Variants in AFAP1L2 observed in about 807,000 individuals in gnomAD.
The protein encoded by AFAP1L2 is actin filament associated protein 1 like 2, also known as actin filament-associated protein 1-like 2.
Under a neutral mutation model 99.3 loss-of-function variants are expected in AFAP1L2, and 46 were observed. The ratio of observed to expected loss-of-function variants is 0.46; its 90% confidence interval spans 0.37 to 0.59. The LOEUF (loss-of-function observed/expected upper bound fraction) is 0.59, where lower values mean the gene tolerates loss of function less well. AFAP1L2 is among the 20% of genes least tolerant of loss of function. The probability of loss-of-function intolerance (pLI) is 0.00; values close to 1 mark genes in which losing one functional copy is unlikely to be tolerated. For synonymous variants in AFAP1L2, 397 were observed against 419.1 expected (o/e 0.95, Z 0.64); for missense variants, 959 against 1,034.9 (o/e 0.93, Z 1.01).
At chr10:114,395,355 T>C (rs369143560) in intron 1 of AFAP1L2, among the ~76,000 whole-genome samples, 12 of 152,240 alleles carry the variant, frequency 7.9e-5, no homozygotes, top group African/African-American at 2.9e-4. Flanking sequence ...ACCATGAAGA[T>C]GGCCCAAGCA....
intron 1 of AFAP1L2, among the ~76,000 whole-genome samples, chr10:114,381,834 C>A (rs747675508): frequency 6.6e-6 from 1 of 151,476 alleles, no homozygotes; most frequent in Non-Finnish European, 1.5e-5. Context: ...AACAATCCAA[C>A]AACAACAAAA....
At chr10:114,383,841 G>A (rs2056074810) in intron 1 of AFAP1L2, among the ~76,000 whole-genome samples, 4 of 152,196 alleles carry the variant, frequency 2.6e-5, no homozygotes, top group Non-Finnish European at 4.4e-5. Flanking sequence ...CTTGGTGGAA[G>A]TGGGGATTGC....
intron 1 of AFAP1L2, among the ~76,000 whole-genome samples, chr10:114,361,665 C>T (rs915806462): frequency 6.6e-6 from 1 of 152,138 alleles, no homozygotes; most frequent in East Asian, 1.9e-4. Context: ...ATAGTGGAGC[C>T]CTGTCCCAAG....
chr10:114,404,323 TG>T, intron 1 of AFAP1L2, 116 bp downstream of exon 1: 1 of 1,186,374 alleles, frequency 8.4e-7, no homozygotes, highest in Non-Finnish European at 1.2e-6. Context: ...CCGGGCTGGG[TG>T]GGGGCAGTGG....
intron 7 of AFAP1L2, among the ~76,000 whole-genome samples, chr10:114,312,378 G>A (rs1036061744): frequency 1.3e-5 from 2 of 152,136 alleles, no homozygotes; most frequent in Non-Finnish European, 2.9e-5. Context: ...ATACATGAAT[G>A]TGCATGTGTG....
chr10:114,289,632 C>A, the AFAP1L2 span: 1 of 884,070 alleles, frequency 1.1e-6, no homozygotes, highest in African/African-American at 1.7e-5. Flanking sequence ...TGCTAAACCC[C>A]ATGCTCACAT....
the AFAP1L2 span, chr10:114,289,040 C>G: frequency 6.2e-7 from 1 of 1,614,174 alleles, no homozygotes; most frequent in South Asian, 1.1e-5. Context: ...AGAAGCTGTG[C>G]CCTCCAGTTT....
chr10:114,304,799 C>T lies in AFAP1L2; in HGVS notation c.1204G>A (p.Glu402Lys), dbSNP rs369181901. Reference sequence around the variant, plus strand: ...TCGGGGCTGGGGTCTGGGACCACCTCGCAGCCCACCAGGCTGAGGGGTTGC... The same window carrying T: ...TCGGGGCTGGGGTCTGGGACCACCTTGCAGCCCACCAGGCTGAGGGGTTGC... ...AQQPLSLVGC[E>K]VVPDPSPDHL... is the part of the protein sequence containing the mutation. The change falls in exon 11 of 19, where the codon GAG becomes AAG. Residue 402 changes from glutamate (E) to lysine (K), a missense_variant. Transcript: ENST00000304129. The T allele has an allele frequency of 3.7e-6, 6 of 1,613,060 alleles. No individual in the cohort carries two copies. Among genetic ancestry groups the T allele is most frequent in the East Asian group, 2.2e-5 (1 of 44,878 alleles).
At chr10:114,306,897 G>C (rs918712687) in intron 10 of AFAP1L2, among the ~76,000 whole-genome samples, 7 of 152,152 alleles carry the variant, frequency 4.6e-5, no homozygotes, top group Non-Finnish European at 7.3e-5. Flanking sequence ...ACCCTGGCTG[G>C]AGAAGCCGGA....
chr10:114,317,894 C>T (rs942230554), intron 5 of AFAP1L2, among the ~76,000 whole-genome samples: 2 of 152,150 alleles, frequency 1.3e-5, no homozygotes, highest in South Asian at 4.1e-4. Flanking sequence ...ATGTTACATG[C>T]ATTAGGATAT....
At position 114,295,745 on chromosome 10, in the gene AFAP1L2, A is replaced by AAAG; in HGVS notation, c.*294_*296dup. 1 of 1,136,328 alleles carries AAAG rather than the reference A, an allele frequency of 8.8e-7. No individual in the cohort carries two copies. The highest frequency in any genetic ancestry group is 1.1e-6 in the Non-Finnish European group (1 of 925,712). 70.4% of individuals were successfully genotyped at this position (1,136,328 alleles called of 1,614,324 possible). On this transcript the variant is annotated 3_prime_UTR_variant, in exon 19 of 19. Transcript: ENST00000304129. ...GTTTTCACTATTTAAAAATCTTAGT[A>AAAG]AAGCAATTGATGACAACTTCAAAAA...
At chr10:114,316,937 C>T (rs1346352726) in intron 5 of AFAP1L2, among the ~76,000 whole-genome samples, 1 of 152,246 alleles carries the variant, frequency 6.6e-6, no homozygotes. Context: ...CCCGGCAGCC[C>T]TGTCAGTTAG....
intron 6 of AFAP1L2, 101 bp downstream of exon 6, chr10:114,315,459 G>A (rs1590078542): frequency 4.0e-6 from 5 of 1,259,750 alleles, no homozygotes; most frequent in East Asian, 4.8e-5. Flanking sequence ...AAACAAGCTC[G>A]AAACCTCTGA....
intron 1 of AFAP1L2, among the ~76,000 whole-genome samples, chr10:114,365,922 T>C (rs915150176): frequency 6.6e-6 from 1 of 151,722 alleles, no homozygotes; most frequent in Non-Finnish European, 1.5e-5. Context: ...TGTATAGAGA[T>C]GGGGGGTCTT....
At chr10:114,333,486 T>C (rs2047507070) in intron 2 of AFAP1L2, among the ~76,000 whole-genome samples, 191 bp from the exon 3 acceptor site, 1 of 152,142 alleles carries the variant, frequency 6.6e-6, no homozygotes, top group Non-Finnish European at 1.5e-5. Flanking sequence ...AAATGGCAAG[T>C]TGCTGACTGC....
At chr10:114,324,405 C>G (rs867754584) in intron 4 of AFAP1L2, among the ~76,000 whole-genome samples, 3 of 144,114 alleles carry the variant, frequency 2.1e-5, no homozygotes, top group Non-Finnish European at 3.0e-5. Flanking sequence ...CACCCCCCCC[C>G]CCCCCCCGGC....
the AFAP1L2 span, chr10:114,286,132 G>T: frequency 7.4e-6 from 12 of 1,614,114 alleles, no homozygotes; most frequent in South Asian, 1.1e-5. Context: ...CGGTGCCTGT[G>T]GGGGAGTACC....
In AFAP1L2 at chr10:114,301,439, G is replaced by C. The variant is rs1350688381; in HGVS notation, c.1457C>G (p.Pro486Arg). ...LLLMQRKFSE[P>R]NTYIDGLPSQ... ...AGGCAGGCCATCGATGTAAGTGTTG[G>C]GCTCTGAGAACTTTCTCTGCATCAG... Residue 486 changes from proline (P) to arginine (R), a missense_variant, in exon 13 of 19, where the codon CCC becomes CGC. Around this residue, in one of 2 missense-constraint regions of AFAP1L2, gnomAD observed 576 missense variants for 562.1 expected, o/e 1.02. Coordinates refer to ENST00000304129, the MANE Select transcript of AFAP1L2 (RefSeq NM_001001936.3). 2 of 1,613,994 alleles carry C rather than the reference G, an allele frequency of 1.2e-6. No homozygotes were observed.
chr10:114,352,214 G>A (rs1156927672), intron 1 of AFAP1L2, among the ~76,000 whole-genome samples: 1 of 152,156 alleles, frequency 6.6e-6, no homozygotes, highest in African/African-American at 2.4e-5. Flanking sequence ...GCTCACACCT[G>A]TAATCCCAGC....
Sources: allele counts gnomAD v4.1 joint callset (sites outside exome capture counted in the v4.1 genomes callset), GRCh38; gene constraint gnomAD v4.1.1; regional missense constraint gnomAD v4.1.1; transcripts MANE v1.5; gene names NCBI Gene and HGNC (gene_info 2026-07-23, HGNC 2026-07-21).